Variants in PRRX2 observed in about 807,000 individuals in gnomAD.
PRRX2 encodes paired mesoderm homeobox protein 2.
In PRRX2, 11 loss-of-function variants were observed where a neutral mutation model predicts 18.0. The observed-to-expected ratio is 0.61, with a 90% CI of 0.39 to 1.01. PRRX2 has a LOEUF of 1.01. PRRX2 is among the 50% of genes least tolerant of loss of function. PRRX2 has a pLI of 0.01. For missense variants in PRRX2, 387 were observed against 351.0 expected (o/e 1.10, Z -0.82); for synonymous variants, 177 against 154.8 (o/e 1.14, Z -1.06).
At chr9:129,698,390 G>A (rs1832455564) in intron 1 of PRRX2, among the ~76,000 whole-genome samples, 1 of 152,078 alleles carries the variant, frequency 6.6e-6, no homozygotes, top group Admixed American at 6.5e-5. Flanking sequence ...AGAGAAGAGG[G>A]CTTGCCCAGG....
In PRRX2 at chr9:129,684,524, C is replaced by CACACA. The variant is rs1564147490; in HGVS notation, c.259+18398_259+18399insACACA. Reference sequence around the variant, plus strand: ...CACACACACACACACACACACACACCCACACACACCCCAACAGAAAAGAGA... The same window carrying CACACA: ...CACACACACACACACACACACACACCACACACACACACACCCCAACAGAAAAGAGA... On this transcript the variant is annotated intron_variant, in intron 1 of 3. Coordinates refer to ENST00000372469, the MANE Select transcript of PRRX2 (RefSeq NM_016307.4). 5.5e-3 allele frequency among the ~76,000 whole-genome samples: 248 copies of CACACA among 45,068 alleles called. 5 individuals are homozygous for CACACA. Among genetic ancestry groups the CACACA allele is most frequent in the African/African-American group, 0.012 (176 of 14,626 alleles). The allele number at this position is 45,068 out of a possible 152,430, so 29.6% of individuals were successfully genotyped here. A position where few individuals can be genotyped will look rare whatever the true frequency, so the allele number is the denominator to read the frequency against.
chr9:129,666,567 G>GCCCCCCCCCCCCCC (rs563976736), intron 1 of PRRX2, among the ~76,000 whole-genome samples: 3 of 95,970 alleles, frequency 3.1e-5, no homozygotes, highest in African/African-American at 6.0e-5. Flanking sequence ...GAGGGTGCCT[G>GCCCCCCCCCCCCCC]CCCACCCCCC....
At chr9:129,720,425 A>T (rs1832774317) in intron 2 of PRRX2, among the ~76,000 whole-genome samples, 171 bp from the exon 3 acceptor site, 1 of 152,170 alleles carries the variant, frequency 6.6e-6, no homozygotes, top group Admixed American at 6.5e-5. Flanking sequence ...TCCAACACAT[A>T]CCCAGCAGCA....
In PRRX2 at chr9:129,671,255, G is replaced by A. The variant is rs1049547828; in HGVS notation, c.259+5129G>A. 2.0e-5 allele frequency among the ~76,000 whole-genome samples: 3 copies of A among 152,186 alleles called. No homozygotes were observed. The highest frequency in any genetic ancestry group is 1.9e-4 in the East Asian group (1 of 5,192). ...GTGAGTGAGAGGCTGAGTGCCCAGG[G>A]GGCCTTCCGTTTGGGAACTGCTGGG... On this transcript the variant is annotated intron_variant, in intron 1 of 3. Transcript: ENST00000372469. This position sits in a 1 kb window ranked among gnomAD's most constrained non-coding sequence, Gnocchi z 4.0.
intron 1 of PRRX2, among the ~76,000 whole-genome samples, chr9:129,696,082 G>GAAA (rs57374729): frequency 3.4e-5 from 5 of 145,512 alleles, no homozygotes; most frequent in African/African-American, 1.3e-4. Context: ...GAAAGAAAAC[G>GAAA]AAAAAAAAAA....
intron 1 of PRRX2, among the ~76,000 whole-genome samples, chr9:129,696,099 T>TG (rs1171293781): frequency 6.8e-6 from 1 of 146,790 alleles, no homozygotes; most frequent in Admixed American, 6.8e-5. Context: ...AAAAGAAAGG[T>TG]GGGGTAGGGA....
intron 1 of PRRX2, among the ~76,000 whole-genome samples, chr9:129,687,692 C>T (rs1832313229): frequency 6.6e-6 from 1 of 152,156 alleles, no homozygotes; most frequent in South Asian, 2.1e-4. Flanking sequence ...TTCTAGCAGC[C>T]TGGTTGGTGT....
intron 1 of PRRX2, among the ~76,000 whole-genome samples, chr9:129,678,779 C>T (rs577129935): frequency 6.6e-6 from 1 of 152,282 alleles, no homozygotes; most frequent in African/African-American, 2.4e-5. Context: ...TGGCCACTCA[C>T]TCCGGCCCTC....
intron 1 of PRRX2, among the ~76,000 whole-genome samples, chr9:129,668,267 G>A (rs1403580888): frequency 1.3e-5 from 2 of 152,198 alleles, no homozygotes; most frequent in African/African-American, 4.8e-5. Context: ...TGGGGGAGAT[G>A]GGATCCTTCT....
chr9:129,693,138 C>T (rs1031883273), intron 1 of PRRX2, among the ~76,000 whole-genome samples: 3 of 152,144 alleles, frequency 2.0e-5, no homozygotes, highest in South Asian at 2.1e-4. Context: ...TGCATTTCCC[C>T]AGTGATACAA....
At chr9:129,684,482 T>TCACACACA (rs71385454) in intron 1 of PRRX2, among the ~76,000 whole-genome samples, 33 of 43,296 alleles carry the variant, frequency 7.6e-4, no homozygotes, top group East Asian at 5.8e-3. Flanking sequence ...ATACCAGAAA[T>TCACACACA]CACACACACA....
intron 1 of PRRX2, among the ~76,000 whole-genome samples, chr9:129,681,391 G>A (rs1299999596): frequency 6.6e-6 from 1 of 152,166 alleles, no homozygotes; most frequent in Admixed American, 6.5e-5. Flanking sequence ...ATGGTGGTGT[G>A]CACCTGTACT....
rs540638868 is a variant in PRRX2 at position 129,675,605 on chromosome 9, C to T, written c.259+9479C>T. 2.5e-3 allele frequency among the ~76,000 whole-genome samples: 384 copies of T among 152,210 alleles called. 3 individuals carry two copies. Among genetic ancestry groups the T allele is most frequent in the African/African-American group, 8.7e-3 (361 of 41,526 alleles). ...CTGCCTTGCCCCAGACTTTGTCCTC[C>T]TGCCCCCACCCCCGCCTCCCTGTCT... On this transcript the variant is annotated intron_variant, in intron 1 of 3. Coordinates refer to ENST00000372469, the MANE Select transcript of PRRX2 (RefSeq NM_016307.4). The surrounding 1 kb of genome is among the most constrained non-coding windows in gnomAD (Gnocchi z 4.4).
At chr9:129,694,592 T>TGGAA (rs1393303577) in intron 1 of PRRX2, among the ~76,000 whole-genome samples, 2 of 152,136 alleles carry the variant, frequency 1.3e-5, no homozygotes, top group East Asian at 3.9e-4. Context: ...GTTCAGGGGT[T>TGGAA]GGAAGCTTGG....
chr9:129,711,053 T>C (rs1421504853), intron 1 of PRRX2, among the ~76,000 whole-genome samples: 1 of 152,092 alleles, frequency 6.6e-6, no homozygotes, highest in Non-Finnish European at 1.5e-5. Context: ...CCCAAGAATG[T>C]TTCTGTTGCC....
chr9:129,716,665 G>A (rs1301643543), intron 1 of PRRX2, among the ~76,000 whole-genome samples: 2 of 152,002 alleles, frequency 1.3e-5, no homozygotes, highest in Non-Finnish European at 2.9e-5. Context: ...ATGTTGCCCA[G>A]GCTGGTCTTG....
chr9:129,715,096 G>C lies in PRRX2; in HGVS notation c.260-4135G>C, dbSNP rs141197990. On this transcript the variant is annotated intron_variant, in intron 1 of 3. Transcript: ENST00000372469. This position sits in a 1 kb window ranked among gnomAD's most constrained non-coding sequence, Gnocchi z 4.0. ...TGAAGCGGTCCCGGCAATGAGACCA[G>C]CTCCACAGGGCCACCACGTGCTCCC... Among the ~76,000 whole-genome samples, 2,744 of 152,240 alleles carry C rather than the reference G, an allele frequency of 0.018. 84 individuals are homozygous for C. Among genetic ancestry groups the C allele is most frequent in the African/African-American group, 0.061 (2,552 of 41,524 alleles).
intron 1 of PRRX2, among the ~76,000 whole-genome samples, chr9:129,700,615 C>G (rs1006893352): frequency 1.3e-5 from 2 of 150,744 alleles, no homozygotes; most frequent in Non-Finnish European, 3.0e-5. Context: ...CAGAGCCACA[C>G]CTGGCCGTTA....
At chr9:129,680,912 A>T (rs1366031616) in intron 1 of PRRX2, among the ~76,000 whole-genome samples, 3 of 152,254 alleles carry the variant, frequency 2.0e-5, no homozygotes, top group Non-Finnish European at 4.4e-5. Context: ...CATCTATAAA[A>T]CACAACTGTT....
Sources: gnomAD v4.1 joint callset for allele counts (sites outside exome capture counted in the v4.1 genomes callset) on GRCh38, gnomAD v4.1.1 for gene constraint, Gnocchi (gnomAD v3.1) non-coding constraint, MANE v1.5 for transcripts, NCBI Gene and HGNC (gene_info 2026-07-23, HGNC 2026-07-21) for gene names.